The following ERVK3-1 variants were observed in gnomAD, a reference collection of about 807,000 sequenced individuals.
ERVK3-1 encodes the protein HERV-K(HML6-1).
In ERVK3-1 at chr19:58,313,529, G is replaced by A. The variant is rs2051570488; in HGVS notation, c.294+1067G>A. 6.6e-6 allele frequency among the ~76,000 whole-genome samples: 1 copy of A among 152,128 alleles called. No individual in the cohort carries two copies. The highest frequency in any genetic ancestry group is 2.1e-4 in the South Asian group (1 of 4,828). On this transcript the variant is annotated intron_variant, in intron 3 of 3. Coordinates refer to ENST00000413518, the Ensembl canonical transcript of ERVK3-1. This position sits in a 1 kb window ranked among gnomAD's most constrained non-coding sequence, Gnocchi z 4.5. ...GCTGCTCTTGAATTCCTGACCTCGT[G>A]ATCCACCCGCCTTGGCTTCCCAAAG...
intron 2 of ERVK3-1, among the ~76,000 whole-genome samples, chr19:58,307,740 C>T (rs554075222): frequency 1.0e-4 from 15 of 149,900 alleles, no homozygotes; most frequent in African/African-American, 1.5e-4. Context: ...AATGGCACCC[C>T]GCTCTCAGGA....
rs1476526941 is a variant in ERVK3-1 at position 58,313,535 on chromosome 19, C to A, written c.294+1073C>A. The stretch of plus-strand genomic sequence containing the variant: ...CTTGAATTCCTGACCTCGTGATCCA[C>A]CCGCCTTGGCTTCCCAAAGTGCTGG... On this transcript the variant is annotated intron_variant, in intron 3 of 3. Coordinates refer to ENST00000413518, the Ensembl canonical transcript of ERVK3-1. The surrounding 1 kb of genome is among the most constrained non-coding windows in gnomAD (Gnocchi z 4.5). Among the ~76,000 whole-genome samples, 2 of 152,220 alleles carry A rather than the reference C, an allele frequency of 1.3e-5. No individual in the cohort carries two copies. The highest frequency in any genetic ancestry group is 3.8e-4 in the East Asian group (2 of 5,200).
exon 4 of ERVK3-1, chr19:58,315,057 T>A: frequency 2.9e-6 from 1 of 339,782 alleles, no homozygotes; most frequent in Non-Finnish European, 5.3e-6. Context: ...AAGAAAGGAA[T>A]CATGTGGGCC....
In ERVK3-1 at chr19:58,313,885, A is replaced by G. The variant is rs1347839739; in HGVS notation, c.295-863A>G. On this transcript the variant is annotated intron_variant, in intron 3 of 3. Coordinates refer to ENST00000413518, the Ensembl canonical transcript of ERVK3-1. The surrounding 1 kb of genome is among the most constrained non-coding windows in gnomAD (Gnocchi z 4.5). Reference sequence around the variant, plus strand: ...CCTTAAACATAGTAATTTTTACTGTAATCTCCTTAGTCACACTAATAACCT... The same window carrying G: ...CCTTAAACATAGTAATTTTTACTGTGATCTCCTTAGTCACACTAATAACCT... Among the ~76,000 whole-genome samples the G allele has an allele frequency of 2.0e-5, 3 of 152,200 alleles. No homozygotes were observed. Among genetic ancestry groups the G allele is most frequent in the South Asian group, 2.1e-4 (1 of 4,826 alleles).
intron 2 of ERVK3-1, chr19:58,309,534 C>T (rs1310959094): frequency 6.6e-6 from 1 of 152,208 alleles, no homozygotes; most frequent in Non-Finnish European, 1.5e-5. Flanking sequence ...CAAGGAGATT[C>T]TTCATTAGAT....
Position 58,310,700 on chromosome 19 carries a change from C to T in ERVK3-1, c.-3-1466C>T, listed in dbSNP as rs112321541. ...TGAAGGCGGACTAGGAGCGTGACCA[C>T]TGAAGCACAGAATCACAGGGAGACG... On this transcript the variant is annotated intron_variant, in intron 2 of 3. Transcript: ENST00000413518. The surrounding 1 kb of genome is among the most constrained non-coding windows in gnomAD (Gnocchi z 4.7). The T allele has an allele frequency of 0.019, 3,601 of 193,266 alleles. 130 individuals carry two copies. Among genetic ancestry groups the T allele is most frequent in the African/African-American group, 0.079 (3,376 of 42,618 alleles). The allele number at this position is 193,266 out of a possible 1,614,324, so 12.0% of individuals were successfully genotyped here.
chr19:58,307,244 A>C lies in ERVK3-1; in HGVS notation c.-4+1028A>C, dbSNP rs193065185. On this transcript the variant is annotated intron_variant, in intron 2 of 3. Coordinates refer to ENST00000413518, the Ensembl canonical transcript of ERVK3-1. The stretch of plus-strand genomic sequence containing the variant: ...TGCAAAAATCACAGGAGCCCTTTGC[A>C]CAATTTATTGCACAGTTACAACAGT... Among the ~76,000 whole-genome samples the C allele has an allele frequency of 2.0e-4, 30 of 152,356 alleles. No homozygotes were observed. The East Asian group carries it at 5.0e-3, about 25-fold the overall frequency.
exon 4 of ERVK3-1, chr19:58,314,810 A>ATGACC (rs2051580531): frequency 5.0e-6 from 2 of 399,942 alleles, no homozygotes; most frequent in East Asian, 7.1e-5. Context: ...AATTACCTTT[A>ATGACC]TTCAATTAAT....
At chr19:58,308,397 CAG>C (rs1491355295) in intron 2 of ERVK3-1, among the ~76,000 whole-genome samples, 1 of 152,242 alleles carries the variant, frequency 6.6e-6, no homozygotes, top group Non-Finnish European at 1.5e-5. Context: ...AAGTGTTTAA[CAG>C]AGTGCTGAAA....
exon 4 of ERVK3-1, chr19:58,315,434 T>C (rs1332009469): frequency 6.6e-6 from 1 of 152,260 alleles, no homozygotes; most frequent in Non-Finnish European, 1.5e-5. Context: ...TTCATATAAA[T>C]GGAGTCATAC....
intron 2 of ERVK3-1, chr19:58,309,294 T>C (rs1383999155): frequency 1.3e-5 from 2 of 152,168 alleles, no homozygotes; most frequent in South Asian, 2.1e-4. Context: ...TTCAGAGAAA[T>C]AAAATGGGCT....
At chr19:58,314,962 G>A (rs910518945) in exon 4 of ERVK3-1, 54 of 390,154 alleles carry the variant, frequency 1.4e-4, no homozygotes, top group Admixed American at 5.8e-4. Flanking sequence ...TCTGTCTGCC[G>A]CCAGAAGGAA....
At position 58,310,452 on chromosome 19, in the gene ERVK3-1, A is replaced by C. The variant is rs1296858715; in HGVS notation, c.-3-1714A>C. 1.3e-5 allele frequency: 2 copies of C among 158,254 alleles called. No homozygotes were observed. Among genetic ancestry groups the C allele is most frequent in the African/African-American group, 4.8e-5 (2 of 41,550 alleles). 9.8% of individuals were successfully genotyped at this position (158,254 alleles called of 1,614,324 possible). A position where few individuals can be genotyped will look rare whatever the true frequency, so the allele number is the denominator to read the frequency against. On this transcript the variant is annotated intron_variant, in intron 2 of 3. Transcript: ENST00000413518. This position sits in a 1 kb window ranked among gnomAD's most constrained non-coding sequence, Gnocchi z 4.7. ...TTATTGGATACAAAGCAAAAGGGGC[A>C]GGGTAAAGAGTGTGAGTCATCTCCA...
chr19:58,305,587 AGAGG>A, intron 1 of ERVK3-1, 142 bp downstream of exon 1: 2 of 115,690 alleles, frequency 1.7e-5, no homozygotes, highest in Admixed American at 8.7e-5. Flanking sequence ...GCGCGGGCAG[AGAGG>A]CGCGCGGTGC....
intron 1 of ERVK3-1, among the ~76,000 whole-genome samples, chr19:58,305,670 G>A (rs1415460030): frequency 6.6e-6 from 1 of 152,202 alleles, no homozygotes; most frequent in East Asian, 1.9e-4. Context: ...GGAGCATTCT[G>A]TGTTGGAGGC....
Position 58,314,666 on chromosome 19 carries a change from C to T in ERVK3-1, c.295-82C>T, listed in dbSNP as rs372187740. The T allele has an allele frequency of 8.1e-6, 3 of 369,234 alleles. No homozygotes were observed. The Admixed American group carries it at 1.4e-4, about 17-fold the overall frequency. 22.9% of individuals were successfully genotyped at this position (369,234 alleles called of 1,614,324 possible). ...AAAAAAAAAAGCCTCAACCCTTGGA[C>T]CTACCTTAAACATAACTTCAATGTC... On this transcript the variant is annotated intron_variant, in intron 3 of 3. Coordinates refer to ENST00000413518, the Ensembl canonical transcript of ERVK3-1.
In ERVK3-1 at chr19:58,313,481, CG is replaced by C; in HGVS notation, c.294+1022del. Among the ~76,000 whole-genome samples, 1 of 147,220 alleles carries C rather than the reference CG, an allele frequency of 6.8e-6. No individual in the cohort carries two copies. The highest frequency in any genetic ancestry group is 2.0e-4 in the East Asian group (1 of 5,098). On this transcript the variant is annotated intron_variant, in intron 3 of 3. Coordinates refer to ENST00000413518, the Ensembl canonical transcript of ERVK3-1. This position sits in a 1 kb window ranked among gnomAD's most constrained non-coding sequence, Gnocchi z 4.5. Reference sequence around the variant, plus strand: ...TTGTTTTTTGTATTTTTAATAGAAACGGGATTTCACCTTCTTGGCCAGGCTG... The same window carrying C: ...TTGTTTTTTGTATTTTTAATAGAAACGGATTTCACCTTCTTGGCCAGGCTG...
downstream of ERVK3-1, among the ~76,000 whole-genome samples, chr19:58,316,631 T>G (rs1347550600): frequency 6.6e-6 from 1 of 152,106 alleles, no homozygotes; most frequent in Non-Finnish European, 1.5e-5. Flanking sequence ...AGATCGTGCC[T>G]TTGCACTCCA....
At chr19:58,314,677 CAT>C (rs1174066771) in intron 3 of ERVK3-1, 69 bp from the exon 4 acceptor site, 2 of 188,660 alleles carry the variant, frequency 1.1e-5, no homozygotes, top group Non-Finnish European at 1.1e-5. Flanking sequence ...CTACCTTAAA[CAT>C]AACTTCAATG....
Sources: gnomAD v4.1 joint callset for allele counts (sites outside exome capture counted in the v4.1 genomes callset) on GRCh38, gnomAD v4.1.1 for gene constraint, Gnocchi (gnomAD v3.1) non-coding constraint, MANE v1.5 for transcripts, NCBI Gene and HGNC (gene_info 2026-07-23, HGNC 2026-07-21) for gene names.